Variants in NCOA1 observed in about 807,000 individuals in gnomAD.
NCOA1 encodes Hin-2 protein.
A neutral mutation model predicts 150.9 loss-of-function variants in NCOA1; 35 were observed. The observed-to-expected ratio is 0.23, with a 90% CI of 0.18 to 0.31. NCOA1 has a LOEUF of 0.31. Ranked by LOEUF, NCOA1 falls within the 10% of genes least tolerant of loss-of-function variation. NCOA1 has a pLI of 1.00. For missense variants in NCOA1, 1,491 were observed against 1,749.3 expected, an observed-to-expected ratio of 0.85 and a Z score of 2.63; for synonymous variants, 590 against 630.0, an observed-to-expected ratio of 0.94 and a Z score of 0.95.
Position 24,741,808 on chromosome 2 carries a change from G to A in NCOA1, c.3328G>A (p.Ala1110Thr), listed in dbSNP as rs1663614797. 1 of 1,613,288 alleles carries A rather than the reference G, an allele frequency of 6.2e-7. No homozygotes were observed. Among genetic ancestry groups the A allele is most frequent in the Non-Finnish European group, 8.5e-7 (1 of 1,179,604 alleles). The change falls in exon 19 of 23, where the codon GCA becomes ACA. Residue 1110 changes from alanine (A) to threonine (T), a missense_variant. Around this residue, in one of 8 missense-constraint regions of NCOA1, gnomAD observed 485 missense variants for 522.8 expected, o/e 0.93. Transcript: ENST00000348332. ...GCCACCCCTGAATGCTCAAATGTTGGCACAACGTCAGCGGGAACTGTACAG... is the reference window on the plus strand; with the variant it reads ...GCCACCCCTGAATGCTCAAATGTTGACACAACGTCAGCGGGAACTGTACAG... ...PQPPLNAQML[A>T]QRQRELYSQQ...
At chr2:24,512,904 A>T (rs1663995491) in intron 1 of NCOA1, among the ~76,000 whole-genome samples, 1 of 152,214 alleles carries the variant, frequency 6.6e-6, no homozygotes, top group Non-Finnish European at 1.5e-5. Context: ...TTTCTGTTGA[A>T]TGGAGTTAAT....
intron 13 of NCOA1, among the ~76,000 whole-genome samples, chr2:24,708,297 G>A (rs2148597772): frequency 6.6e-6 from 1 of 152,272 alleles, no homozygotes; most frequent in South Asian, 2.1e-4. Flanking sequence ...GATGGACAAG[G>A]TTACTTAGTC....
chr2:24,533,771 C>G (rs1473181054), intron 1 of NCOA1, among the ~76,000 whole-genome samples: 1 of 152,192 alleles, frequency 6.6e-6, no homozygotes, highest in Non-Finnish European at 1.5e-5. Flanking sequence ...GTTGAACGAG[C>G]CTTGCATCCT....
intron 3 of NCOA1, among the ~76,000 whole-genome samples, chr2:24,609,334 A>G (rs536756634): frequency 3.3e-5 from 5 of 152,322 alleles, no homozygotes; most frequent in East Asian, 1.9e-4. Flanking sequence ...TTTCAAATCT[A>G]TTACTTAAAT....
Position 24,707,364 on chromosome 2 carries a change from A to G in NCOA1, c.1894A>G (p.Lys632Glu). ...CAGTAAATACTCTCAAACCAGTCAC[A>G]AACTAGTGCAGCTTTTGACAACAAC... ...GDSKYSQTSH[K>E]LVQLLTTTAE... is the part of the protein sequence containing the mutation. The change falls in exon 13 of 23, where the codon AAA becomes GAA. Residue 632 changes from lysine to glutamate, a missense_variant. Coordinates refer to ENST00000348332, the MANE Select transcript of NCOA1 (RefSeq NM_003743.5). 1 of 1,614,236 alleles carries G rather than the reference A, an allele frequency of 6.2e-7. No individual in the cohort carries two copies. The highest frequency in any genetic ancestry group is 1.1e-5 in the South Asian group (1 of 91,088).
At chr2:24,550,385 G>A (rs763484061) in intron 1 of NCOA1, among the ~76,000 whole-genome samples, 11 of 152,170 alleles carry the variant, frequency 7.2e-5, no homozygotes, top group Non-Finnish European at 1.5e-4. Context: ...ACATTTCCAC[G>A]TGGCTGGGGA....
intron 3 of NCOA1, among the ~76,000 whole-genome samples, chr2:24,624,497 T>G (rs1669313717): frequency 6.6e-6 from 1 of 152,198 alleles, no homozygotes; most frequent in African/African-American, 2.4e-5. Flanking sequence ...GTATGCATAT[T>G]CAATTTTCAA....
chr2:24,752,182 G>T, intron 20 of NCOA1, 26 bp downstream of exon 20: 4 of 1,606,626 alleles, frequency 2.5e-6, no homozygotes, highest in Non-Finnish European at 3.4e-6. Flanking sequence ...TTATATATGA[G>T]CATCCTTGAT....
At chr2:24,650,862 T>G (rs1394291888) in intron 4 of NCOA1, among the ~76,000 whole-genome samples, 1 of 152,150 alleles carries the variant, frequency 6.6e-6, no homozygotes, top group African/African-American at 2.4e-5. Flanking sequence ...TGGATTTTTA[T>G]GGATTTTAGA....
chr2:24,687,250 C>T (rs1194372100), intron 8 of NCOA1, among the ~76,000 whole-genome samples: 1 of 152,116 alleles, frequency 6.6e-6, no homozygotes, highest in African/African-American at 2.4e-5. Context: ...TAACATTCCG[C>T]AAGTAGCTTT....
rs375228508 is a variant in NCOA1, at chr2:24,728,380, G to A, written c.2790G>A (p.Lys930=). The change falls in exon 16 of 23, where the codon AAG becomes AAA. Residue 930 remains lysine (K), a synonymous_variant. Coordinates refer to ENST00000348332, the MANE Select transcript of NCOA1 (RefSeq NM_003743.5). ...PTTVEGRNDE[K]ALLEQLVSFL... ...CAGTAGAAGGGAGAAATGATGAGAAGGCTCTTCTTGAACAGCTGGTATCCT... is the reference window on the plus strand; with the variant it reads ...CAGTAGAAGGGAGAAATGATGAGAAAGCTCTTCTTGAACAGCTGGTATCCT... 3.1e-6 allele frequency: 5 copies of A among 1,613,406 alleles called. No homozygotes were observed. In the African/African-American group the frequency reaches 6.7e-5, roughly 22 times the overall value.
intron 1 of NCOA1, among the ~76,000 whole-genome samples, chr2:24,496,471 C>G (rs554378880): frequency 6.6e-6 from 1 of 152,142 alleles, no homozygotes; most frequent in Admixed American, 6.5e-5. Flanking sequence ...TTTATGTTCT[C>G]GTGACCTTCA....
chr2:24,763,092 G>C (rs1664868210), intron 22 of NCOA1, among the ~76,000 whole-genome samples: 1 of 152,144 alleles, frequency 6.6e-6, no homozygotes, highest in Admixed American at 6.5e-5. Flanking sequence ...TTGTAAATAA[G>C]CACAGTGCTA....
At chr2:24,740,492 G>A (rs1039732058) in intron 18 of NCOA1, among the ~76,000 whole-genome samples, 1 of 152,168 alleles carries the variant, frequency 6.6e-6, no homozygotes, top group Admixed American at 6.5e-5. Context: ...ATACCTAAAC[G>A]TGGAAGAGGT....
chr2:24,622,486 G>A (rs2148411247), intron 3 of NCOA1, among the ~76,000 whole-genome samples: 1 of 152,222 alleles, frequency 6.6e-6, no homozygotes, highest in East Asian at 1.9e-4. Flanking sequence ...TTATGTCTTT[G>A]TACTTTTGAT....
intron 17 of NCOA1, among the ~76,000 whole-genome samples, chr2:24,737,038 C>T (rs1299182902): frequency 1.3e-5 from 2 of 152,158 alleles, no homozygotes; most frequent in Non-Finnish European, 2.9e-5. Flanking sequence ...CCGCTGGCCA[C>T]AAGCCCCACA....
intron 3 of NCOA1, among the ~76,000 whole-genome samples, chr2:24,588,493 C>T (rs1259187626): frequency 1.3e-5 from 2 of 152,166 alleles, no homozygotes; most frequent in African/African-American, 4.8e-5. Context: ...TCTGAGTTGC[C>T]TTCCTTTTTC....
At chr2:24,683,697 G>C (rs1324712042) in intron 8 of NCOA1, among the ~76,000 whole-genome samples, 1 of 152,060 alleles carries the variant, frequency 6.6e-6, no homozygotes, top group South Asian at 2.1e-4. Flanking sequence ...TCTAATTCTT[G>C]TAAAGGCATG....
chr2:24,668,131 C>T (rs1384408100), intron 6 of NCOA1, among the ~76,000 whole-genome samples: 1 of 151,712 alleles, frequency 6.6e-6, no homozygotes, highest in Non-Finnish European at 1.5e-5. Context: ...GAAGAAATCT[C>T]TTAGATAATA....
Sources: allele counts gnomAD v4.1 joint callset (sites outside exome capture counted in the v4.1 genomes callset), GRCh38; gene constraint gnomAD v4.1.1; regional missense constraint gnomAD v4.1.1; transcripts MANE v1.5; gene names NCBI Gene and HGNC (gene_info 2026-07-23, HGNC 2026-07-21).